Variants in CCBE1 observed in about 807,000 individuals in gnomAD.
CCBE1 encodes the protein collagen and calcium-binding EGF domain-containing protein 1.
A neutral mutation model predicts 50.0 loss-of-function variants in CCBE1; 37 were observed. The observed-to-expected ratio is 0.74, with a 90% CI of 0.57 to 0.97. CCBE1 has a LOEUF of 0.97. CCBE1 is among the 50% of genes least tolerant of loss of function. The pLI, the probability that CCBE1 is intolerant of heterozygous loss-of-function variation, is 0.00. For missense variants in CCBE1, 538 were observed against 523.8 expected (o/e 1.03, Z -0.26); for synonymous variants, 234 against 203.7 (o/e 1.15, Z -1.27).
chr18:59,469,902 C>A (rs767012884), intron 3 of CCBE1, among the ~76,000 whole-genome samples: 1 of 152,170 alleles, frequency 6.6e-6, no homozygotes, highest in African/African-American at 2.4e-5. Context: ...CCAGCCTCTG[C>A]GGATTCCCTC....
intron 3 of CCBE1, among the ~76,000 whole-genome samples, chr18:59,478,125 C>A (rs773476132): frequency 1.8e-4 from 28 of 152,094 alleles, no homozygotes; most frequent in South Asian, 2.1e-4. Context: ...GGACTTCTGG[C>A]CAGCAGATTC....
chr18:59,521,893 A>C (rs1244637539), intron 2 of CCBE1, among the ~76,000 whole-genome samples: 1 of 152,248 alleles, frequency 6.6e-6, no homozygotes, highest in African/African-American at 2.4e-5. Flanking sequence ...TGGAAAATGT[A>C]AAGCATGAAT....
At chr18:59,485,607 T>C (rs576708657) in intron 2 of CCBE1, among the ~76,000 whole-genome samples, 1 of 150,494 alleles carries the variant, frequency 6.6e-6, no homozygotes, top group East Asian at 1.9e-4. Flanking sequence ...TATTTATTTA[T>C]TTATTTATTT....
chr18:59,607,554 G>T (rs967827457), intron 2 of CCBE1, among the ~76,000 whole-genome samples: 2 of 152,158 alleles, frequency 1.3e-5, no homozygotes, highest in African/African-American at 4.8e-5. Flanking sequence ...TACACAAAAA[G>T]GAACTGGGCA....
At chr18:59,522,024 T>C (rs1914621016) in intron 2 of CCBE1, among the ~76,000 whole-genome samples, 1 of 152,242 alleles carries the variant, frequency 6.6e-6, no homozygotes, top group Non-Finnish European at 1.5e-5. Context: ...TTCCTTGCTT[T>C]AATTTGAATT....
chr18:59,524,181 A>G (rs960316067), intron 2 of CCBE1, among the ~76,000 whole-genome samples: 3 of 152,136 alleles, frequency 2.0e-5, no homozygotes, highest in South Asian at 2.1e-4. Context: ...ATTGCCAGAC[A>G]TGGTGGTACA....
chr18:59,691,042 G>A (rs1403676474), intron 2 of CCBE1, among the ~76,000 whole-genome samples: 1 of 152,206 alleles, frequency 6.6e-6, no homozygotes, highest in Non-Finnish European at 1.5e-5. Flanking sequence ...GTTAATCTCT[G>A]GTTTTTAGAA....
chr18:59,558,226 AAC>A (rs933367767), intron 2 of CCBE1, among the ~76,000 whole-genome samples: 100 of 152,364 alleles, frequency 6.6e-4, no homozygotes, highest in African/African-American at 2.3e-3. Context: ...ATAAAGCATG[AAC>A]ACAGTTTCTC....
intron 2 of CCBE1, among the ~76,000 whole-genome samples, chr18:59,693,966 G>C (rs1281718976): frequency 7.0e-6 from 1 of 142,268 alleles, no homozygotes; most frequent in Non-Finnish European, 1.5e-5. Flanking sequence ...CCGCCTCCTG[G>C]TTTCAAACTA....
intron 2 of CCBE1, among the ~76,000 whole-genome samples, chr18:59,504,535 AGT>A (rs921405137): frequency 6.6e-6 from 1 of 152,144 alleles, no homozygotes; most frequent in Non-Finnish European, 1.5e-5. Context: ...ATCCACTGAC[AGT>A]GTCTTTGTGA....
chr18:59,507,613 C>T (rs183987044), intron 2 of CCBE1, among the ~76,000 whole-genome samples: 137 of 152,300 alleles, frequency 9.0e-4, no homozygotes, highest in African/African-American at 3.3e-3. Context: ...TGGCTGTTTC[C>T]TTTGCTGTCC....
chr18:59,662,325 C>T (rs1445063845), intron 2 of CCBE1, among the ~76,000 whole-genome samples: 2 of 152,206 alleles, frequency 1.3e-5, no homozygotes, highest in Non-Finnish European at 2.9e-5. Flanking sequence ...CATGAAAGTT[C>T]TGTACTGATT....
At chr18:59,649,949 G>T (rs1279228608) in intron 2 of CCBE1, among the ~76,000 whole-genome samples, 1 of 152,112 alleles carries the variant, frequency 6.6e-6, no homozygotes, top group African/African-American at 2.4e-5. Context: ...GGGCACATGG[G>T]AAAGGAGGGA....
At chr18:59,530,330 G>A (rs979087837) in intron 2 of CCBE1, among the ~76,000 whole-genome samples, 1 of 152,162 alleles carries the variant, frequency 6.6e-6, no homozygotes, top group South Asian at 2.1e-4. Context: ...GCTAAAAGAT[G>A]GCAGGATCTA....
chr18:59,528,018 T>C (rs929775881), intron 2 of CCBE1, among the ~76,000 whole-genome samples: 5 of 152,330 alleles, frequency 3.3e-5, no homozygotes, highest in Admixed American at 6.5e-5. Flanking sequence ...ATTAGAATGT[T>C]GGCCTATCTT....
chr18:59,597,991 G>T (rs1290655180), intron 2 of CCBE1, among the ~76,000 whole-genome samples: 1 of 152,264 alleles, frequency 6.6e-6, no homozygotes, highest in East Asian at 1.9e-4. Flanking sequence ...GAATGGGGAG[G>T]GAGAGAAGAA....
chr18:59,681,739 A>G (rs1021827851), intron 2 of CCBE1, among the ~76,000 whole-genome samples: 3 of 152,232 alleles, frequency 2.0e-5, no homozygotes, highest in Admixed American at 6.5e-5. Context: ...CTTTTTAATA[A>G]TTGGGGAAGA....
chr18:59,490,885 C>A (rs927672416), intron 2 of CCBE1, among the ~76,000 whole-genome samples: 3 of 152,194 alleles, frequency 2.0e-5, no homozygotes, highest in Non-Finnish European at 4.4e-5. Flanking sequence ...CATGTTTAAA[C>A]CAACAAATCT....
chr18:59,594,826 G>T (rs73961273), intron 2 of CCBE1, among the ~76,000 whole-genome samples: 1,906 of 152,134 alleles, frequency 0.013, 48 homozygotes, highest in African/African-American at 0.043. Context: ...AAGAATAGCA[G>T]TTCTCAGCCG....
Sources: gnomAD v4.1 joint callset for allele counts (sites outside exome capture counted in the v4.1 genomes callset) on GRCh38, gnomAD v4.1.1 for gene constraint, MANE v1.5 for transcripts, NCBI Gene and HGNC (gene_info 2026-07-23, HGNC 2026-07-21) for gene names.